The following RAPGEF5 variants were observed in gnomAD, a reference collection of about 807,000 sequenced individuals.
The protein encoded by RAPGEF5 is Rap guanine nucleotide exchange factor 5, also known as M-Ras-regulated GEF.
A neutral mutation model predicts 125.2 loss-of-function variants in RAPGEF5; 65 were observed. The ratio of observed to expected loss-of-function variants is 0.52; its 90% CI spans 0.43 to 0.64. The LOEUF (loss-of-function observed/expected upper bound fraction) is 0.64, where lower values mean the gene tolerates loss of function less well. Ranked by LOEUF, RAPGEF5 falls within the 30% of genes least tolerant of loss-of-function variation. The pLI is 0.00. For missense variants in RAPGEF5, 958 were observed against 1,048.1 expected, an observed-to-expected ratio of 0.91 and a Z score of 1.19; for synonymous variants, 391 against 385.9, an observed-to-expected ratio of 1.01 and a Z score of -0.16.
intron 6 of RAPGEF5, among the ~76,000 whole-genome samples, chr7:22,276,822 C>G (rs771859559): frequency 6.6e-6 from 1 of 152,122 alleles, no homozygotes; most frequent in Non-Finnish European, 1.5e-5. Context: ...TATAAATCAT[C>G]GGGACTGATT....
At chr7:22,230,999 TA>T in intron 7 of RAPGEF5, 80 bp from the exon 8 acceptor site, 1 of 1,327,138 alleles carries the variant, frequency 7.5e-7, no homozygotes, top group Non-Finnish European at 1.1e-6. Flanking sequence ...GATCGCAATT[TA>T]GCGGGAAAAA....
At chr7:22,274,864 T>C (rs187475266) in intron 6 of RAPGEF5, among the ~76,000 whole-genome samples, 1 of 152,288 alleles carries the variant, frequency 6.6e-6, no homozygotes, top group Non-Finnish European at 1.5e-5. Flanking sequence ...TTATATCTTT[T>C]CCCAAAAAAC....
intron 1 of RAPGEF5, among the ~76,000 whole-genome samples, chr7:22,343,098 G>T (rs576836888): frequency 6.6e-6 from 1 of 152,320 alleles, no homozygotes; most frequent in African/African-American, 2.4e-5. Flanking sequence ...CTTACAGTCC[G>T]CATGGCTGGA....
chr7:22,302,110 C>T (rs1783221211), intron 5 of RAPGEF5, among the ~76,000 whole-genome samples: 1 of 152,226 alleles, frequency 6.6e-6, no homozygotes, highest in Non-Finnish European at 1.5e-5. Flanking sequence ...CCTCTGCTCC[C>T]TGTTCATCTT....
At chr7:22,239,593 C>T (rs1054342898) in intron 7 of RAPGEF5, among the ~76,000 whole-genome samples, 20 of 152,042 alleles carry the variant, frequency 1.3e-4, no homozygotes, top group Admixed American at 3.3e-4. Context: ...TTTATCCCTG[C>T]CCTACAGCAG....
At chr7:22,213,609 T>C (rs1785560043) in intron 9 of RAPGEF5, among the ~76,000 whole-genome samples, 1 of 152,192 alleles carries the variant, frequency 6.6e-6, no homozygotes, top group African/African-American at 2.4e-5. Context: ...CTAATTCCAA[T>C]GGAAAGATAC....
intron 7 of RAPGEF5, among the ~76,000 whole-genome samples, chr7:22,259,479 C>G (rs1782092453): frequency 6.6e-6 from 1 of 152,196 alleles, no homozygotes; most frequent in Non-Finnish European, 1.5e-5. Flanking sequence ...ACTCTTAACA[C>G]ATGATCTAGC....
intron 17 of RAPGEF5, among the ~76,000 whole-genome samples, chr7:22,153,576 A>G (rs1359769680): frequency 1.3e-5 from 2 of 152,162 alleles, no homozygotes; most frequent in East Asian, 3.9e-4. Context: ...CATAGGAACA[A>G]GATACTTTAC....
chr7:22,288,760 A>G (rs191012695), intron 6 of RAPGEF5, among the ~76,000 whole-genome samples: 36 of 152,142 alleles, frequency 2.4e-4, no homozygotes, highest in Non-Finnish European at 4.9e-4. Flanking sequence ...AAAAAAATCA[A>G]TTTCTTTGTG....
At chr7:22,282,958 G>C (rs1782708213) in intron 6 of RAPGEF5, among the ~76,000 whole-genome samples, 1 of 151,544 alleles carries the variant, frequency 6.6e-6, no homozygotes, top group Non-Finnish European at 1.5e-5. Flanking sequence ...AGTGCTTTTA[G>C]CTCCAAGAAC....
At chr7:22,233,568 T>C (rs1189383901) in intron 7 of RAPGEF5, among the ~76,000 whole-genome samples, 1 of 152,148 alleles carries the variant, frequency 6.6e-6, no homozygotes, top group Non-Finnish European at 1.5e-5. Context: ...GGTCTCCCTC[T>C]GTCACCCAGG....
intron 10 of RAPGEF5, 144 bp downstream of exon 10, chr7:22,193,771 T>C: frequency 1.3e-6 from 2 of 1,583,902 alleles, no homozygotes; most frequent in Non-Finnish European, 8.6e-7. Context: ...TGCAGTCAGC[T>C]AGAACGCTGG....
chr7:22,217,384 C>T lies in RAPGEF5; in HGVS notation c.996+2482G>A, dbSNP rs150160715. 4.6e-5 allele frequency among the ~76,000 whole-genome samples: 7 copies of T among 152,260 alleles called. No homozygotes were observed. The East Asian group carries it at 9.6e-4, about 21-fold the overall frequency. On this transcript the variant is annotated intron_variant, in intron 9 of 25. Transcript: ENST00000665637. ...GTAAAGAAAGTGAGGACAGGAAAAA[C>T]GAAAACACTGCACCACCTTCATGAA...
At chr7:22,305,447 T>C (rs1222483212) in intron 5 of RAPGEF5, among the ~76,000 whole-genome samples, 1 of 152,170 alleles carries the variant, frequency 6.6e-6, no homozygotes, top group African/African-American at 2.4e-5. Flanking sequence ...TAGGTATATA[T>C]ATTTACGGGG....
intron 1 of RAPGEF5, among the ~76,000 whole-genome samples, chr7:22,331,068 A>G (rs975183150): frequency 7.9e-5 from 12 of 152,030 alleles, no homozygotes; most frequent in African/African-American, 1.7e-4. Flanking sequence ...CCGAGTGCCA[A>G]CTCTCCAGTT....
chr7:22,162,550 G>A lies in RAPGEF5; in HGVS notation c.1284-9C>T, dbSNP rs1198766217. 6.3e-7 allele frequency: 1 copy of A among 1,598,160 alleles called. No homozygotes were observed. The highest frequency in any genetic ancestry group is 8.5e-7 in the Non-Finnish European group (1 of 1,170,300). On this transcript the variant is annotated splice_polypyrimidine_tract_variant and intron_variant, in intron 12 of 25. Coordinates refer to ENST00000665637, the MANE Select transcript of RAPGEF5 (RefSeq NM_012294.5). ...ACTTCTTAGCAGAATAGGTGCAAAT[G>A]GTTAAGAAAAAATTATATTGTTGAA...
intron 11 of RAPGEF5, among the ~76,000 whole-genome samples, chr7:22,180,539 T>C (rs74982928): frequency 0.08 from 12,231 of 152,254 alleles, 1,066 homozygotes; most frequent in African/African-American, 0.22. Context: ...TCAGAGTGGC[T>C]TTATCGGCTG....
At chr7:22,163,077 T>A in intron 12 of RAPGEF5, 2 of 434,398 alleles carry the variant, frequency 4.6e-6, no homozygotes, top group Admixed American at 5.1e-5. Context: ...AAACATTGGA[T>A]ACATGTGTGA....
chr7:22,252,898 T>G (rs1156699594), intron 7 of RAPGEF5, among the ~76,000 whole-genome samples: 1 of 152,200 alleles, frequency 6.6e-6, no homozygotes, highest in Non-Finnish European at 1.5e-5. Flanking sequence ...TGCTTTAACT[T>G]TACAATGCAT....
Sources: allele counts gnomAD v4.1 joint callset (sites outside exome capture counted in the v4.1 genomes callset), GRCh38; gene constraint gnomAD v4.1.1; transcripts MANE v1.5; gene names NCBI Gene and HGNC (gene_info 2026-07-23, HGNC 2026-07-21).